Variants in COL24A1 observed in about 807,000 individuals in gnomAD.
COL24A1 encodes the protein collagen alpha-1(XXIV) chain.
COL24A1 carries 224 observed loss-of-function variants against 253.9 expected under a neutral mutation model. The observed-to-expected ratio is 0.88, with a 90% CI of 0.79 to 0.99. COL24A1 has a LOEUF of 0.99. COL24A1 is among the 50% of genes least tolerant of loss of function. The pLI is 0.00. For synonymous variants in COL24A1, 685 were observed against 673.7 expected (o/e 1.02, Z -0.26); for missense variants, 2,131 against 2,068.5 (o/e 1.03, Z -0.59).
intron 53 of COL24A1, among the ~76,000 whole-genome samples, chr1:85,761,798 T>C (rs1249927571): frequency 6.6e-6 from 1 of 152,232 alleles, no homozygotes; most frequent in Non-Finnish European, 1.5e-5. Context: ...AAACTGAATT[T>C]ACTCATTTTA....
intron 53 of COL24A1, among the ~76,000 whole-genome samples, chr1:85,769,501 G>A (rs1570532162): frequency 6.6e-6 from 1 of 152,028 alleles, no homozygotes. Context: ...GAGTAGGGTG[G>A]GGTCAAAACA....
rs753619831 is a variant in COL24A1, at chr1:85,761,573, G to C, written c.4375-7C>G. The C allele has an allele frequency of 1.9e-5, 31 of 1,613,936 alleles. No individual in the cohort carries two copies. Among genetic ancestry groups the C allele is most frequent in the Non-Finnish European group, 2.6e-5 (31 of 1,179,920 alleles). On this transcript the variant is annotated splice_region_variant and splice_polypyrimidine_tract_variant and intron_variant, in intron 53 of 59. Transcript: ENST00000370571. ...CTCTTGGTCCTTGAGGACCCTGGAA[G>C]AAATGGAGACAAACACAAGACCTAT...
chr1:86,087,862 G>T (rs998270325), intron 7 of COL24A1, among the ~76,000 whole-genome samples: 6 of 152,090 alleles, frequency 3.9e-5, no homozygotes, highest in African/African-American at 1.4e-4. Context: ...ACAATCTCAA[G>T]GGAATTACCA....
chr1:85,961,318 C>A (rs751604164), intron 23 of COL24A1, 25 bp from the exon 24 acceptor site: 12 of 1,556,454 alleles, frequency 7.7e-6, no homozygotes, highest in Non-Finnish European at 9.7e-6. Context: ...TATAAAGTTG[C>A]AAAAACAGTT....
intron 5 of COL24A1, among the ~76,000 whole-genome samples, chr1:86,110,484 C>G (rs61802233): frequency 0.17 from 26,263 of 152,006 alleles, 2,370 homozygotes; most frequent in South Asian, 0.25. Context: ...TCAGCCTGCC[C>G]CTGCACTGTG....
At chr1:85,832,477 C>A (rs1675422445) in intron 43 of COL24A1, among the ~76,000 whole-genome samples, 1 of 151,250 alleles carries the variant, frequency 6.6e-6, no homozygotes, top group African/African-American at 2.4e-5. Flanking sequence ...TCATTGGTAG[C>A]TTGATGGGGA....
intron 24 of COL24A1, among the ~76,000 whole-genome samples, chr1:85,918,972 A>G (rs554693606): frequency 3.9e-5 from 6 of 152,276 alleles, no homozygotes; most frequent in Admixed American, 1.3e-4. Flanking sequence ...GGAGGAATAT[A>G]CCCCTGCATC....
chr1:86,146,097 A>C, intron 2 of COL24A1, 22 bp downstream of exon 2: 1 of 1,592,576 alleles, frequency 6.3e-7, no homozygotes, highest in Non-Finnish European at 8.6e-7. Context: ...TAAGCAAATA[A>C]ATTAAAAGGT....
intron 24 of COL24A1, among the ~76,000 whole-genome samples, chr1:85,919,667 T>C (rs1045737373): frequency 6.6e-6 from 1 of 152,158 alleles, no homozygotes; most frequent in African/African-American, 2.4e-5. Context: ...GGTGACACAG[T>C]GAGACCCTGT....
intron 5 of COL24A1, among the ~76,000 whole-genome samples, chr1:86,108,634 A>C (rs1705233652): frequency 1.3e-5 from 2 of 149,552 alleles, no homozygotes; most frequent in Non-Finnish European, 3.0e-5. Context: ...AAAAAAAAAA[A>C]AAAAAAAAAA....
chr1:86,132,605 C>T (rs767613399), intron 2 of COL24A1, among the ~76,000 whole-genome samples: 51 of 152,272 alleles, frequency 3.3e-4, no homozygotes, highest in Middle Eastern at 3.4e-3. Flanking sequence ...TTTCCCAGCA[C>T]CATTTGTTAA....
intron 19 of COL24A1, among the ~76,000 whole-genome samples, chr1:85,997,039 A>ATGTGTGTGTGTGTGTG (rs1491173763): frequency 3.5e-4 from 17 of 48,440 alleles, no homozygotes; most frequent in South Asian, 5.9e-4. Context: ...ATATATATAT[A>ATGTGTGTGTGTGTGTG]TATGTGTGTG....
intron 3 of COL24A1, among the ~76,000 whole-genome samples, chr1:86,118,962 A>G (rs981843898): frequency 2.6e-5 from 4 of 152,198 alleles, no homozygotes; most frequent in Non-Finnish European, 4.4e-5. Flanking sequence ...GCCATATCAC[A>G]TACCTGCACA....
intron 47 of COL24A1, 142 bp from the exon 48 acceptor site, chr1:85,786,603 G>T: frequency 3.9e-6 from 2 of 515,418 alleles, no homozygotes; most frequent in Non-Finnish European, 6.5e-6. Flanking sequence ...TTCTTTCCCA[G>T]AAGATGAAAT....
chr1:86,106,283 CTT>C lies in COL24A1; in HGVS notation c.1599+6282_1599+6283del, dbSNP rs571423033. On this transcript the variant is annotated intron_variant, in intron 5 of 59. Coordinates refer to ENST00000370571, the MANE Select transcript of COL24A1 (RefSeq NM_152890.7). ...TAGAACATAGCACTAAGATACTACT[CTT>C]TGGTGTTCAATACTTTATATATATA... Among the ~76,000 whole-genome samples the C allele has an allele frequency of 1.4e-3, 216 of 151,962 alleles. 1 individual carries two copies. The highest frequency in any genetic ancestry group is 5.1e-3 in the African/African-American group (211 of 41,464).
chr1:86,023,962 A>G (rs1016312852), intron 14 of COL24A1, among the ~76,000 whole-genome samples: 1 of 152,078 alleles, frequency 6.6e-6, no homozygotes, highest in African/African-American at 2.4e-5. Flanking sequence ...AATATTAAGG[A>G]ACTCTTAAAG....
intron 47 of COL24A1, among the ~76,000 whole-genome samples, chr1:85,795,372 C>A (rs187494550): frequency 6.6e-6 from 1 of 152,072 alleles, no homozygotes; most frequent in Non-Finnish European, 1.5e-5. Flanking sequence ...TCCCCCAGCT[C>A]CTTGGCTTAG....
At chr1:86,079,084 A>G (rs987478847) in intron 7 of COL24A1, among the ~76,000 whole-genome samples, 1 of 152,192 alleles carries the variant, frequency 6.6e-6, no homozygotes, top group Non-Finnish European at 1.5e-5. Flanking sequence ...CCAAAACAGC[A>G]TGGTACCAGC....
intron 43 of COL24A1, among the ~76,000 whole-genome samples, chr1:85,832,167 C>T (rs1422497101): frequency 6.6e-6 from 1 of 151,974 alleles, no homozygotes; most frequent in African/African-American, 2.4e-5. Flanking sequence ...TTCCTAGCAC[C>T]ATTTATTAAA....
Sources: allele counts gnomAD v4.1 joint callset (sites outside exome capture counted in the v4.1 genomes callset), GRCh38; gene constraint gnomAD v4.1.1; transcripts MANE v1.5; gene names NCBI Gene and HGNC (gene_info 2026-07-23, HGNC 2026-07-21).